ANO1: variants seen among roughly 807,000 people sequenced by gnomAD.
ANO1 encodes the protein anoctamin 1, also known as anoctamin-1.
ANO1 carries 59 observed loss-of-function variants against 124.0 expected under a neutral mutation model. The ratio of observed to expected loss-of-function variants is 0.48; its 90% confidence interval spans 0.39 to 0.59. The LOEUF (loss-of-function observed/expected upper bound fraction) is 0.59, where lower values mean the gene tolerates loss of function less well. Ranked by LOEUF, ANO1 falls within the 20% of genes least tolerant of loss-of-function variation. The pLI, the probability that ANO1 is intolerant of heterozygous loss-of-function variation, is 0.00. For synonymous variants in ANO1, 529 were observed against 532.0 expected (o/e 0.99, Z 0.08); for missense variants, 1,059 against 1,328.0 (o/e 0.80, Z 3.15).
At chr11:70,076,285 G>C (rs1281212264), upstream of ANO1, among the ~76,000 whole-genome samples, 1 of 152,248 alleles carries the variant, frequency 6.6e-6, no homozygotes, top group African/African-American at 2.4e-5. Flanking sequence ...AAGGGGTGCT[G>C]TTGGGGAGAA....
chr11:70,167,542 C>A (rs1032684225), intron 21 of ANO1, among the ~76,000 whole-genome samples, 155 bp downstream of exon 21: 21 of 152,200 alleles, frequency 1.4e-4, no homozygotes, highest in African/African-American at 4.8e-4. Flanking sequence ...GAGATGCAGA[C>A]CCTGGGATCC....
chr11:69,966,064 C>G, the ANO1 span, among the ~76,000 whole-genome samples: 1 of 151,858 alleles, frequency 6.6e-6, no homozygotes, highest in Admixed American at 6.6e-5. Flanking sequence ...GTGAGAATAT[C>G]CAAAAAAAAA....
intron 12 of ANO1, 120 bp downstream of exon 12, chr11:70,149,912 C>T: frequency 9.0e-7 from 1 of 1,115,530 alleles, no homozygotes; most frequent in Non-Finnish European, 1.3e-6. Context: ...CAAGCTGAGG[C>T]AAGGCCGCCC....
chr11:69,983,372 T>C (rs959023688), upstream of ANO1, among the ~76,000 whole-genome samples: 1 of 152,186 alleles, frequency 6.6e-6, no homozygotes, highest in Non-Finnish European at 1.5e-5. Context: ...TTTTCTGTAA[T>C]TACAAGCATT....
chr11:70,006,103 C>T (rs144243561), intron 1 of ANO1, among the ~76,000 whole-genome samples: 99 of 152,254 alleles, frequency 6.5e-4, no homozygotes, highest in African/African-American at 2.4e-3. Context: ...GAGACACGCT[C>T]CGGTCCCTAA....
chr11:70,046,864 A>G (rs1486710221), intron 1 of ANO1, among the ~76,000 whole-genome samples: 1 of 152,148 alleles, frequency 6.6e-6, no homozygotes, highest in African/African-American at 2.4e-5. Context: ...ACCTGAGGTC[A>G]GGAGTTCAAG....
chr11:69,975,275 C>T, the ANO1 span, among the ~76,000 whole-genome samples: 20 of 152,194 alleles, frequency 1.3e-4, no homozygotes, highest in African/African-American at 4.8e-4. Context: ...GGGCTCTGTA[C>T]CCATCAATCT....
In ANO1 at chr11:70,165,538, G is replaced by C. The variant is rs369506637; in HGVS notation, c.2019G>C (p.Leu673=). ...QLSIIMLGKQ[L]IQNNLFEIGI... ...GCATCATCATGCTGGGGAAACAGCT[G>C]ATCCAGAACAACCTGTTCGAGATCG... The change falls in exon 20 of 26, where the codon CTG becomes CTC. Residue 673 remains leucine (L), a synonymous_variant. Transcript: ENST00000355303. 12 of 1,612,174 alleles carry C rather than the reference G, an allele frequency of 7.4e-6. No homozygotes were observed. The highest frequency in any genetic ancestry group is 1.0e-5 in the Non-Finnish European group (12 of 1,179,350).
chr11:70,043,827 T>C (rs1253650431), intron 1 of ANO1, among the ~76,000 whole-genome samples: 1 of 152,114 alleles, frequency 6.6e-6, no homozygotes, highest in Non-Finnish European at 1.5e-5. Context: ...TAAAGGAAGT[T>C]ATTCAGGCAA....
intron 1 of ANO1, among the ~76,000 whole-genome samples, chr11:70,042,041 A>C (rs1857191125): frequency 6.6e-6 from 1 of 152,122 alleles, no homozygotes; most frequent in African/African-American, 2.4e-5. Flanking sequence ...AAAGCACAGG[A>C]GAGGCTTGAG....
At chr11:69,977,888 T>C in the ANO1 span, among the ~76,000 whole-genome samples, 2 of 152,224 alleles carry the variant, frequency 1.3e-5, no homozygotes, top group South Asian at 2.1e-4. Context: ...GAATGAATTA[T>C]CTCCCCTCTC....
chr11:70,115,964 A>T (rs2045960053), intron 7 of ANO1, among the ~76,000 whole-genome samples: 5 of 152,166 alleles, frequency 3.3e-5, no homozygotes, highest in Admixed American at 2.0e-4. Context: ...AGCCTCAGTG[A>T]TTCCATCTGT....
intron 10 of ANO1, among the ~76,000 whole-genome samples, chr11:70,131,404 T>G (rs2046753288): frequency 6.6e-6 from 1 of 152,148 alleles, no homozygotes; most frequent in Non-Finnish European, 1.5e-5. Flanking sequence ...CTGGGCTCCC[T>G]GCAACCTCTG....
chr11:70,125,736 C>CGGA (rs1565226102), intron 9 of ANO1, among the ~76,000 whole-genome samples: 2 of 147,346 alleles, frequency 1.4e-5, no homozygotes, highest in African/African-American at 5.0e-5. Flanking sequence ...CCCAGCTACT[C>CGGA]GGGAGGCTGA....
chr11:70,051,964 C>G (rs1259534401), intron 1 of ANO1, among the ~76,000 whole-genome samples: 1 of 152,182 alleles, frequency 6.6e-6, no homozygotes, highest in Non-Finnish European at 1.5e-5. Flanking sequence ...GTTTGTGCAT[C>G]CTAAGGTCAT....
At chr11:70,005,340 A>G (rs782429381) in intron 1 of ANO1, among the ~76,000 whole-genome samples, 2 of 152,188 alleles carry the variant, frequency 1.3e-5, no homozygotes, top group Non-Finnish European at 2.9e-5. Flanking sequence ...CACACAGCCC[A>G]AACTGATATA....
upstream of ANO1, chr11:70,075,370 C>T (rs782504475): frequency 6.6e-6 from 1 of 152,102 alleles, no homozygotes. Context: ...AAAGTGCTCG[C>T]TTCGGCAGCA....
In ANO1 at chr11:70,172,132, A is replaced by AAAAAG. The variant is rs1555052149; in HGVS notation, c.2350+1113_2350+1117dup. 2.2e-3 allele frequency among the ~76,000 whole-genome samples: 315 copies of AAAAAG among 141,592 alleles called. 11 individuals carry two copies. Among genetic ancestry groups the AAAAAG allele is most frequent in the East Asian group, 4.8e-3 (22 of 4,578 alleles). 92.9% of individuals were successfully genotyped at this position (141,592 alleles called of 152,430 possible). A position where few individuals can be genotyped will look rare whatever the true frequency, so the allele number is the denominator to read the frequency against. ...GAGAACCTGTCTTAAAAAAAAAAAA[A>AAAAAG]AAAAGAAAAGAAAAGAAAAGAAAAA... On this transcript the variant is annotated intron_variant, in intron 22 of 25. Transcript: ENST00000355303.
chr11:70,147,109 G>C (rs1001180339), intron 11 of ANO1, among the ~76,000 whole-genome samples: 1 of 151,898 alleles, frequency 6.6e-6, no homozygotes, highest in Non-Finnish European at 1.5e-5. Flanking sequence ...GGTGTGCGTG[G>C]AGCAGCCCTC....
Sources: allele counts gnomAD v4.1 joint callset (sites outside exome capture counted in the v4.1 genomes callset), GRCh38; gene constraint gnomAD v4.1.1; transcripts MANE v1.5; gene names NCBI Gene and HGNC (gene_info 2026-07-23, HGNC 2026-07-21).